FAM98B: variants seen among roughly 807,000 people sequenced by gnomAD.
The protein encoded by FAM98B is tRNA-splicing ligase complex subunit FAM98B.
In FAM98B, 32 loss-of-function variants were observed where a neutral mutation model predicts 43.9. The observed-to-expected ratio is 0.73, with a 90% CI of 0.55 to 0.98. FAM98B has a LOEUF of 0.98. FAM98B is among the 50% of genes least tolerant of loss of function. FAM98B has a pLI of 0.00. For missense variants in FAM98B, 514 were observed against 522.9 expected (o/e 0.98, Z 0.17); for synonymous variants, 190 against 174.0 (o/e 1.09, Z -0.72).
At chr15:38,484,112 T>G in intron 7 of FAM98B, 143 bp from the exon 8 acceptor site, 1 of 675,352 alleles carries the variant, frequency 1.5e-6, no homozygotes, top group Non-Finnish European at 2.5e-6. Context: ...CTTAATATTT[T>G]TAATATTAAT....
chr15:38,461,661 A>G (rs1889948247), intron 1 of FAM98B, among the ~76,000 whole-genome samples: 2 of 152,222 alleles, frequency 1.3e-5, no homozygotes, highest in South Asian at 4.1e-4. Flanking sequence ...ACTTGTACTT[A>G]CCCTTCATCT....
At chr15:38,470,156 A>G in intron 3 of FAM98B, 71 bp from the exon 4 acceptor site, 1 of 1,230,930 alleles carries the variant, frequency 8.1e-7, no homozygotes. Flanking sequence ...TTTTAAGTGA[A>G]TAATTTCAGT....
At chr15:38,480,696 G>T (rs574002695) in intron 6 of FAM98B, among the ~76,000 whole-genome samples, 2 of 152,128 alleles carry the variant, frequency 1.3e-5, no homozygotes, top group South Asian at 4.1e-4. Flanking sequence ...CATTTAATAA[G>T]TTCTCATTAA....
intron 5 of FAM98B, 84 bp from the exon 6 acceptor site, chr15:38,474,098 A>G: frequency 1.1e-6 from 1 of 923,556 alleles, no homozygotes; most frequent in Non-Finnish European, 1.7e-6. Flanking sequence ...CTCAGTAGGA[A>G]GTACTTAGCA....
chr15:38,465,080 TTAA>T (rs1890007793), intron 2 of FAM98B, among the ~76,000 whole-genome samples, 186 bp from the exon 3 acceptor site: 1 of 152,240 alleles, frequency 6.6e-6, no homozygotes, highest in Non-Finnish European at 1.5e-5. Context: ...CTGAAGTGAA[TTAA>T]TAATTATAGC....
At chr15:38,460,969 A>C (rs781308918) in intron 1 of FAM98B, among the ~76,000 whole-genome samples, 30 of 152,230 alleles carry the variant, frequency 2.0e-4, no homozygotes, top group Non-Finnish European at 3.8e-4. Flanking sequence ...CACTATTGCG[A>C]TTTTGATTGT....
intron 6 of FAM98B, among the ~76,000 whole-genome samples, chr15:38,479,447 A>G (rs1344241475): frequency 2.0e-5 from 3 of 152,138 alleles, no homozygotes; most frequent in Non-Finnish European, 4.4e-5. Context: ...AATATACTTT[A>G]CATTTCCATG....
intron 1 of FAM98B, among the ~76,000 whole-genome samples, chr15:38,463,352 G>A (rs1257584782): frequency 6.6e-6 from 1 of 151,982 alleles, no homozygotes; most frequent in East Asian, 1.9e-4. Context: ...TTAGCTGGGT[G>A]TGGTGGCAGG....
chr15:38,460,034 C>T (rs1325491119), intron 1 of FAM98B, among the ~76,000 whole-genome samples: 1 of 152,162 alleles, frequency 6.6e-6, no homozygotes, highest in Non-Finnish European at 1.5e-5. Flanking sequence ...AAATTAGGCC[C>T]TGGTTGTATT....
intron 6 of FAM98B, among the ~76,000 whole-genome samples, chr15:38,477,244 T>TTTTTTTTTTTTTTTTTGAG (rs1206637083): frequency 6.6e-6 from 1 of 151,086 alleles, no homozygotes; most frequent in Non-Finnish European, 1.5e-5. Flanking sequence ...TGGCAATTCT[T>TTTTTTTTTTTTTTTTTGAG]AATGCCAACG....
At chr15:38,468,969 C>T (rs921473031) in intron 3 of FAM98B, among the ~76,000 whole-genome samples, 21 of 152,162 alleles carry the variant, frequency 1.4e-4, no homozygotes, top group Admixed American at 5.9e-4. Flanking sequence ...TGCAATGGCA[C>T]GATCTCGATT....
At chr15:38,460,764 C>G (rs1889934215) in intron 1 of FAM98B, among the ~76,000 whole-genome samples, 2 of 152,116 alleles carry the variant, frequency 1.3e-5, no homozygotes, top group Admixed American at 6.5e-5. Flanking sequence ...TGGCTCAGTT[C>G]CGGGACAGTT....
intron 6 of FAM98B, among the ~76,000 whole-genome samples, chr15:38,478,588 A>G (rs1348747578): frequency 1.3e-5 from 2 of 152,180 alleles, no homozygotes; most frequent in Non-Finnish European, 2.9e-5. Flanking sequence ...TACTGTATTC[A>G]TAGACACTGA....
intron 3 of FAM98B, among the ~76,000 whole-genome samples, chr15:38,467,588 A>G (rs187383157): frequency 1.6e-4 from 24 of 152,296 alleles, no homozygotes; most frequent in Non-Finnish European, 1.2e-4. Context: ...AGGAGGACAC[A>G]TTTTCAATGT....
chr15:38,470,543 T>G (rs1416683123), intron 4 of FAM98B, 138 bp downstream of exon 4: 3 of 733,386 alleles, frequency 4.1e-6, no homozygotes, highest in Admixed American at 4.0e-5. Flanking sequence ...AACCCAGTTT[T>G]GGATTCAGAC....
chr15:38,458,888 A>G, intron 1 of FAM98B: 1 of 441,524 alleles, frequency 2.3e-6, no homozygotes, highest in Non-Finnish European at 4.5e-6. Flanking sequence ...CTCTGGGTGG[A>G]AGATGTAAGA....
intron 6 of FAM98B, among the ~76,000 whole-genome samples, chr15:38,477,015 G>C (rs1034255463): frequency 2.0e-5 from 3 of 151,924 alleles, no homozygotes; most frequent in Non-Finnish European, 4.4e-5. Flanking sequence ...GTTGGGGTTG[G>C]GGGGCAGGTG....
At chr15:38,454,403 C>A (rs1889815079) in intron 1 of FAM98B, among the ~76,000 whole-genome samples, 171 bp downstream of exon 1, 1 of 152,174 alleles carries the variant, frequency 6.6e-6, no homozygotes, top group Admixed American at 6.5e-5. Flanking sequence ...GGAGAGAAAT[C>A]TATTTGGGGG....
At chr15:38,463,862 A>C (rs956947184) in intron 1 of FAM98B, among the ~76,000 whole-genome samples, 170 bp from the exon 2 acceptor site, 1 of 152,208 alleles carries the variant, frequency 6.6e-6, no homozygotes, top group Admixed American at 6.5e-5. Flanking sequence ...TAGCTCTTCC[A>C]TTGTAGTGTG....
Sources: allele counts gnomAD v4.1 joint callset (sites outside exome capture counted in the v4.1 genomes callset), GRCh38; gene constraint gnomAD v4.1.1; transcripts MANE v1.5; gene names NCBI Gene and HGNC (gene_info 2026-07-23, HGNC 2026-07-21).